The following FUBP3 variants were observed in gnomAD, a reference collection of about 807,000 sequenced individuals.
The protein encoded by FUBP3 is far upstream element binding protein 3, also known as far upstream element-binding protein 3.
FUBP3 carries 28 observed loss-of-function variants against 85.6 expected under a neutral mutation model. That is an observed-to-expected ratio of 0.33 (90% CI 0.24 to 0.45). The LOEUF (loss-of-function observed/expected upper bound fraction) is 0.45. FUBP3 is among the 20% of genes least tolerant of loss of function. FUBP3 has a pLI of 1.00. For missense variants in FUBP3, 583 were observed against 755.1 expected, an observed-to-expected ratio of 0.77 and a Z score of 2.67; for synonymous variants, 271 against 271.4, an observed-to-expected ratio of 1.00 and a Z score of 0.01.
chr9:130,610,160 G>A (rs903636573), intron 3 of FUBP3, among the ~76,000 whole-genome samples, 173 bp downstream of exon 3: 3 of 152,042 alleles, frequency 2.0e-5, no homozygotes, highest in African/African-American at 7.3e-5. Flanking sequence ...GTCAGCTCAG[G>A]GATAAACTAA....
rs1830231190 is a variant in FUBP3 at position 130,631,991 on chromosome 9, G to A, written c.1402G>A (p.Val468Met). ...SGCFPNMAAK[V>M]NGNPHSTPVS... is the part of the protein sequence containing the mutation. ...GTGCTTCCCAAACATGGCTGCCAAG[G>A]TGAATGGGAACCCCCACAGCACCCC... The change falls in exon 15 of 19, where the codon GTG becomes ATG. Residue 468 changes from valine to methionine, a missense_variant. Transcript: ENST00000319725. The A allele has an allele frequency of 1.9e-6, 3 of 1,613,442 alleles. No homozygotes were observed. Among genetic ancestry groups the A allele is most frequent in the Non-Finnish European group, 2.5e-6 (3 of 1,179,468 alleles).
At position 130,616,869 on chromosome 9, in the gene FUBP3, T is replaced by G. The variant is rs927475316; in HGVS notation, c.567+352T>G. Among the ~76,000 whole-genome samples, 6 of 152,252 alleles carry G rather than the reference T, an allele frequency of 3.9e-5. No individual in the cohort carries two copies. The highest frequency in any genetic ancestry group is 8.8e-5 in the Non-Finnish European group (6 of 68,042). ...GTCAGAGGCTCTGACCCAGCATTCT[T>G]CCTCACTGATTGATCTTAAATGTGC... is the stretch of plus-strand genomic sequence containing the variant. On this transcript the variant is annotated intron_variant, in intron 7 of 18. Transcript: ENST00000319725. This position sits in a 1 kb window ranked among gnomAD's most constrained non-coding sequence, Gnocchi z 4.7.
chr9:130,604,352 A>G (rs1831313665), intron 2 of FUBP3, among the ~76,000 whole-genome samples: 1 of 152,196 alleles, frequency 6.6e-6, no homozygotes, highest in African/African-American at 2.4e-5. Flanking sequence ...TAGATACATG[A>G]TAAGTGACAG....
Position 130,623,520 on chromosome 9 carries a change from G to A in FUBP3, c.875-91G>A, listed in dbSNP as rs1168310815. The A allele has an allele frequency of 2.2e-5, 19 of 847,190 alleles. No homozygotes were observed. The Middle Eastern group carries it at 1.6e-3, about 70-fold the overall frequency. 52.5% of individuals were successfully genotyped at this position (847,190 alleles called of 1,614,324 possible). On this transcript the variant is annotated intron_variant, in intron 10 of 18. Transcript: ENST00000319725. Reference sequence around the variant, plus strand: ...TTCCTGTTGCCCCTTTTGGCACCGCGGGTGAGAATATTGATTGGGAATCAG... The same window carrying A: ...TTCCTGTTGCCCCTTTTGGCACCGCAGGTGAGAATATTGATTGGGAATCAG...
At chr9:130,588,214 A>G (rs1018423572) in intron 1 of FUBP3, among the ~76,000 whole-genome samples, 2 of 152,214 alleles carry the variant, frequency 1.3e-5, no homozygotes, top group Non-Finnish European at 2.9e-5. Flanking sequence ...TATGAGTTCA[A>G]GTTCTGGTTC....
At chr9:130,634,558 TG>T in intron 16 of FUBP3, 108 bp from the exon 17 acceptor site, 1 of 800,314 alleles carries the variant, frequency 1.2e-6, no homozygotes, top group Non-Finnish European at 2.0e-6. Flanking sequence ...GAGCCGTGTG[TG>T]GCCAGGAGCG....
intron 16 of FUBP3, among the ~76,000 whole-genome samples, chr9:130,634,031 T>C (rs961715460): frequency 6.6e-6 from 1 of 152,096 alleles, no homozygotes; most frequent in African/African-American, 2.4e-5. Flanking sequence ...TTGAACCCCC[T>C]CTTGTGCCTG....
chr9:130,624,448 T>C (rs2119104230), intron 11 of FUBP3, among the ~76,000 whole-genome samples: 1 of 152,324 alleles, frequency 6.6e-6, no homozygotes, highest in Admixed American at 6.5e-5. Flanking sequence ...GGGAGGGTCT[T>C]GGGTCTTCAC....
intron 12 of FUBP3, among the ~76,000 whole-genome samples, chr9:130,629,899 C>G (rs774550956): frequency 2.0e-5 from 3 of 152,212 alleles, no homozygotes; most frequent in Admixed American, 6.5e-5. Flanking sequence ...GAAGAAGAAT[C>G]CAACTATTGT....
In FUBP3 at chr9:130,614,266, ATCT is replaced by A. The variant is rs763860061; in HGVS notation, c.347-17_347-15del. ...TGCCCGGTGCCCACCAACACCCCTC[ATCT>A]TCTTGATTCTTCTTATAGAGAGTTC... On this transcript the variant is annotated intron_variant, in intron 5 of 18. Transcript: ENST00000319725. 2.6e-6 allele frequency: 4 copies of A among 1,557,358 alleles called. No homozygotes were observed. Among genetic ancestry groups the A allele is most frequent in the Admixed American group, 1.7e-5 (1 of 59,826 alleles).
intron 12 of FUBP3, among the ~76,000 whole-genome samples, chr9:130,628,373 C>T (rs1176393651): frequency 2.6e-5 from 4 of 152,232 alleles, no homozygotes; most frequent in East Asian, 3.8e-4. Flanking sequence ...TACGATTTCA[C>T]GTCCAGCCAG....
At chr9:130,605,867 C>A (rs541589745) in intron 2 of FUBP3, among the ~76,000 whole-genome samples, 72 of 152,304 alleles carry the variant, frequency 4.7e-4, no homozygotes, top group African/African-American at 1.5e-3. Flanking sequence ...ACCTGTAATC[C>A]TGGCTACTTG....
chr9:130,599,577 GCCTGAATGCCTGT>G (rs1831048457), intron 2 of FUBP3, among the ~76,000 whole-genome samples: 1 of 152,028 alleles, frequency 6.6e-6, no homozygotes, highest in Non-Finnish European at 1.5e-5. Context: ...TTGAAAGCTT[GCCTGAATGCCTGT>G]CCGTGGGAAG....
In FUBP3 at chr9:130,622,800, G is replaced by T; in HGVS notation, c.864G>T (p.Gln288His). The T allele has an allele frequency of 6.7e-7, 1 of 1,491,446 alleles. No homozygotes were observed. The highest frequency in any genetic ancestry group is 9.3e-7 in the Non-Finnish European group (1 of 1,078,950). 92.4% of individuals were successfully genotyped at this position (1,491,446 alleles called of 1,614,324 possible). A position where few individuals can be genotyped will look rare whatever the true frequency, so the allele number is the denominator to read the frequency against. The change falls in exon 10 of 19, where the codon CAG (glutamine) becomes CAT (histidine). Residue 288 changes from glutamine (Q) to histidine (H), a missense_variant. Gln to His is a conservative substitution (Grantham distance 24, BLOSUM62 0). This residue lies in a region of FUBP3 where 404 missense variants were observed against 516.8 expected (regional missense o/e 0.78). Transcript: ENST00000319725. ...KIQNDAGVRI[Q>H]FKPDDGISPE... ...AGAATGATGCTGGTGTGAGGATTCA[G>T]TTTAAACCAGGTGGGTATGATGATT... is the stretch of plus-strand genomic sequence containing the variant.
Position 130,595,545 on chromosome 9 carries a change from A to G in FUBP3, c.147A>G (p.Ser49=). 3 of 1,587,620 alleles carry G rather than the reference A, an allele frequency of 1.9e-6. No individual in the cohort carries two copies. The highest frequency in any genetic ancestry group is 1.7e-6 in the Non-Finnish European group (2 of 1,155,948). The part of the protein sequence containing the change: ...LNNSTPLVDP[S]VYGYGVQKRP... ...ATTCCACACCTCTAGTGGACCCCTC[A>G]GTATATGGATACGGAGTACAAAAAC... Residue 49 remains serine (S), a synonymous_variant, in exon 2 of 19, where the codon TCA becomes TCG. Coordinates refer to ENST00000319725, the MANE Select transcript of FUBP3 (RefSeq NM_003934.2).
At chr9:130,634,373 T>C (rs918330183) in intron 16 of FUBP3, among the ~76,000 whole-genome samples, 2 of 152,212 alleles carry the variant, frequency 1.3e-5, no homozygotes, top group African/African-American at 4.8e-5. Flanking sequence ...GAAGGCTGAT[T>C]GGGGAGCCTC....
intron 13 of FUBP3, chr9:130,631,079 T>TC (rs1018167920): frequency 1.9e-6 from 2 of 1,057,162 alleles, no homozygotes; most frequent in South Asian, 4.2e-5. Flanking sequence ...GGCGGCAGCC[T>TC]CCCCCCACGC....
At position 130,620,399 on chromosome 9, in the gene FUBP3, G is replaced by C. The variant is rs754383251; in HGVS notation, c.712G>C (p.Ala238Pro). The C allele has an allele frequency of 6.2e-7, 1 of 1,606,546 alleles. No individual in the cohort carries two copies. The highest frequency in any genetic ancestry group is 8.5e-7 in the Non-Finnish European group (1 of 1,176,008). ...AGAGATTATCCGAGAAAAAGACCAA[G>C]CTGACTTTCGGGGTGTACGCGGCGA... is the stretch of plus-strand genomic sequence containing the variant. ...VLEIIREKDQ[A>P]DFRGVRGDFN... is the part of the protein sequence containing the mutation. The change falls in exon 9 of 19, where the codon GCT becomes CCT. Residue 238 changes from alanine to proline, a missense_variant. This residue lies in a region of FUBP3 where 404 missense variants were observed against 516.8 expected (regional missense o/e 0.78). Transcript: ENST00000319725.
At chr9:130,582,924 G>A (rs549268304) in intron 1 of FUBP3, among the ~76,000 whole-genome samples, 1 of 152,240 alleles carries the variant, frequency 6.6e-6, no homozygotes, top group South Asian at 2.1e-4. Context: ...ATTGTTCTCC[G>A]AGAAACTACT....
Sources: gnomAD v4.1 joint callset for allele counts (sites outside exome capture counted in the v4.1 genomes callset) on GRCh38, gnomAD v4.1.1 for gene constraint, gnomAD v4.1.1 regional missense constraint, Gnocchi (gnomAD v3.1) non-coding constraint, MANE v1.5 for transcripts, NCBI Gene and HGNC (gene_info 2026-07-23, HGNC 2026-07-21) for gene names.